USP30: variants seen among roughly 807,000 people sequenced by gnomAD.
The protein encoded by USP30 is ubiquitin specific peptidase 30.
In USP30, 41 loss-of-function variants were observed where a neutral mutation model predicts 68.2. The observed-to-expected ratio is 0.60, with a 90% confidence interval of 0.47 to 0.78. USP30 has a LOEUF of 0.78. Ranked by LOEUF, USP30 falls within the 30% of genes least tolerant of loss-of-function variation. The pLI is 0.00. For missense variants in USP30, 522 were observed against 649.4 expected, an observed-to-expected ratio of 0.80 and a Z score of 2.13; for synonymous variants, 229 against 253.7, an observed-to-expected ratio of 0.90 and a Z score of 0.93.
At chr12:109,048,739 C>CAAAAAAAAAAAA (rs60197959), upstream of USP30, among the ~76,000 whole-genome samples, 2 of 86,984 alleles carry the variant, frequency 2.3e-5, no homozygotes, top group East Asian at 3.5e-4. Flanking sequence ...GACTCTGTCT[C>CAAAAAAAAAAAA]AAAAAAAAAA....
intron 1 of USP30, among the ~76,000 whole-genome samples, chr12:109,056,025 A>T (rs1304811742): frequency 6.6e-6 from 1 of 152,142 alleles, no homozygotes; most frequent in African/African-American, 2.4e-5. Flanking sequence ...CATTCTGAGC[A>T]GAGGGAACAG....
At position 109,079,351 on chromosome 12, in the gene USP30, C is replaced by CTTTTTTTTT. The variant is rs71079521; in HGVS notation, c.721-1963_721-1955dup. ...TTCTTTTCTTTTTCTTTTTTTTTTT[C>CTTTTTTTTT]TTTTTTTTTTTTTTTTTTTTTTTTT... On this transcript the variant is annotated intron_variant, in intron 7 of 12. Transcript: ENST00000257548. Among the ~76,000 whole-genome samples the CTTTTTTTTT allele has an allele frequency of 2.6e-3, 126 of 48,792 alleles. 7 individuals are homozygous for CTTTTTTTTT. The highest frequency in any genetic ancestry group is 6.5e-3 in the African/African-American group (77 of 11,828). 32.0% of individuals were successfully genotyped at this position (48,792 alleles called of 152,430 possible). A position where few individuals can be genotyped will look rare whatever the true frequency, so the allele number is the denominator to read the frequency against.
intron 1 of USP30, among the ~76,000 whole-genome samples, chr12:109,056,377 G>A (rs866865170): frequency 1.3e-5 from 2 of 152,238 alleles, no homozygotes; most frequent in East Asian, 3.9e-4. Flanking sequence ...GTTTTTAGTA[G>A]AGACAGGGTT....
At chr12:109,068,698 C>G (rs568982992) in intron 4 of USP30, among the ~76,000 whole-genome samples, 2 of 152,304 alleles carry the variant, frequency 1.3e-5, no homozygotes, top group South Asian at 4.1e-4. Context: ...TAAGGTCCGA[C>G]TTCTCCATCA....
At chr12:109,057,792 C>A (rs1593245568) in intron 2 of USP30, 134 bp from the exon 3 acceptor site, 1 of 993,098 alleles carries the variant, frequency 1.0e-6, no homozygotes, top group Non-Finnish European at 1.5e-6. Flanking sequence ...GGCCCCAGAT[C>A]TCTGTGGATA....
At chr12:109,028,217 G>A (rs981861809) in intron 3 of USP30, among the ~76,000 whole-genome samples, 16 of 152,270 alleles carry the variant, frequency 1.1e-4, no homozygotes, top group African/African-American at 2.9e-4. Flanking sequence ...TGAATTGTTC[G>A]GGGATTTTTG....
Position 109,073,404 on chromosome 12 carries a change from A to G in USP30, c.626-34A>G, listed in dbSNP as rs1358735531. The stretch of plus-strand genomic sequence containing the variant: ...TGTTGAGCTTGGTGCCAAAGGGCTA[A>G]AAGTGACATATCAAAAAACTTTTTG... On this transcript the variant is annotated intron_variant, in intron 6 of 12. Transcript: ENST00000257548. 2.0e-6 allele frequency: 3 copies of G among 1,501,448 alleles called. No homozygotes were observed. In the African/African-American group the frequency reaches 4.1e-5, roughly 21 times the overall value. The allele number at this position is 1,501,448 out of a possible 1,614,324, so 93.0% of individuals were successfully genotyped here. A position where few individuals can be genotyped will look rare whatever the true frequency, so the allele number is the denominator to read the frequency against.
intron 11 of USP30, 109 bp downstream of exon 11, chr12:109,083,171 A>G (rs1391236267): frequency 3.6e-6 from 4 of 1,122,360 alleles, no homozygotes; most frequent in Non-Finnish European, 2.5e-6. Context: ...GGCTTGTACA[A>G]TGGTGCTTAA....
rs780966277 is a variant in USP30, at chr12:109,067,574, T to G, written c.427T>G (p.Leu143Val). The change falls in exon 4 of 13, where the codon TTG becomes GTG. Residue 143 changes from leucine to valine, a missense_variant. By Grantham distance (32) the Leu-to-Val change is conservative. Coordinates refer to ENST00000257548, the MANE Select transcript of USP30 (RefSeq NM_032663.5). ...TDDEVLDASC[L>V]LDVLRMYRWQ... Reference sequence around the variant, plus strand: ...TGATGAGGTCTTAGATGCAAGCTGCTTGTTGGATGTCTTAAGAATGTACAG... The same window carrying G: ...TGATGAGGTCTTAGATGCAAGCTGCGTGTTGGATGTCTTAAGAATGTACAG... 6.2e-7 allele frequency: 1 copy of G among 1,614,206 alleles called. No individual in the cohort carries two copies. The highest frequency in any genetic ancestry group is 8.5e-7 in the Non-Finnish European group (1 of 1,180,028).
intron 12 of USP30, among the ~76,000 whole-genome samples, chr12:109,085,306 T>C (rs1432166916): frequency 2.0e-5 from 3 of 152,132 alleles, no homozygotes; most frequent in African/African-American, 7.3e-5. Flanking sequence ...TGTATATATG[T>C]GTGTATGTAT....
intron 3 of USP30, among the ~76,000 whole-genome samples, chr12:109,043,345 T>C (rs1055857319): frequency 6.6e-6 from 1 of 152,122 alleles, no homozygotes; most frequent in Admixed American, 6.6e-5. Context: ...CATAACTTAC[T>C]ACAAAGCCAC....
rs745618557 is a variant in USP30 at position 109,085,741 on chromosome 12, C to G, written c.1364C>G (p.Thr455Ser). 1.9e-6 allele frequency: 3 copies of G among 1,614,130 alleles called. No homozygotes were observed. In the East Asian group the frequency reaches 6.7e-5, roughly 36 times the overall value. ...GACATGCACTCTGGACACTTTGTCA[C>G]TTACCGACGGTCCCCACCTTCTGCC... The part of the protein sequence containing the change: ...HGDMHSGHFV[T>S]YRRSPPSARN... The change falls in exon 13 of 13, where the codon ACT becomes AGT. Residue 455 changes from threonine (T) to serine (S), a missense_variant. Thr to Ser is a moderately conservative substitution (Grantham distance 58, BLOSUM62 1). Coordinates refer to ENST00000257548, the MANE Select transcript of USP30 (RefSeq NM_032663.5).
At chr12:109,053,841 C>T (rs944189438) in intron 1 of USP30, 3 of 295,520 alleles carry the variant, frequency 1.0e-5, no homozygotes, top group African/African-American at 6.7e-5. Flanking sequence ...GACAAGTCCT[C>T]TCTCCCATCC....
upstream of USP30, chr12:109,052,522 C>T (rs552752395): frequency 4.3e-5 from 25 of 580,788 alleles, no homozygotes; most frequent in Non-Finnish European, 6.6e-5. Context: ...GCAGCTACTT[C>T]CGGTCCCCCT....
chr12:109,072,007 G>A (rs1026007562), intron 5 of USP30, among the ~76,000 whole-genome samples: 3 of 152,198 alleles, frequency 2.0e-5, no homozygotes, highest in East Asian at 3.8e-4. Flanking sequence ...AATGCTAAGT[G>A]AGCCCTCATT....
chr12:109,086,228 C>T lies in USP30; in HGVS notation c.*297C>T, dbSNP rs1454743509. 1.4e-5 allele frequency: 4 copies of T among 294,612 alleles called. No homozygotes were observed. The Admixed American group carries it at 1.8e-4, about 14-fold the overall frequency. The allele number at this position is 294,612 out of a possible 1,614,324, so 18.2% of individuals were successfully genotyped here. Reference sequence around the variant, plus strand: ...AAAAGAACTCAGATTCTTGAAGCCACCGTTTTCATATTGTAATGTTAGGTG... The same window carrying T: ...AAAAGAACTCAGATTCTTGAAGCCATCGTTTTCATATTGTAATGTTAGGTG... On this transcript the variant is annotated 3_prime_UTR_variant, in exon 13 of 13. Coordinates refer to ENST00000257548, the MANE Select transcript of USP30 (RefSeq NM_032663.5).
intron 3 of USP30, among the ~76,000 whole-genome samples, chr12:109,028,060 A>T (rs571575382): frequency 6.6e-6 from 1 of 152,332 alleles, no homozygotes; most frequent in East Asian, 1.9e-4. Context: ...ACACTTGTTG[A>T]TAATAGCCAT....
At chr12:109,047,014 C>T (rs572863239) in intron 3 of USP30, among the ~76,000 whole-genome samples, 55 of 152,068 alleles carry the variant, frequency 3.6e-4, no homozygotes, top group Non-Finnish European at 6.8e-4. Context: ...AAGTTTTGAT[C>T]CAGACCTCAA....
At chr12:109,077,626 G>C (rs908784108) in intron 7 of USP30, among the ~76,000 whole-genome samples, 1 of 152,200 alleles carries the variant, frequency 6.6e-6, no homozygotes, top group Non-Finnish European at 1.5e-5. Flanking sequence ...GGAATGCTTA[G>C]TCCATTTACA....
Sources: gnomAD v4.1 joint callset for allele counts (sites outside exome capture counted in the v4.1 genomes callset) on GRCh38, gnomAD v4.1.1 for gene constraint, MANE v1.5 for transcripts, NCBI Gene and HGNC (gene_info 2026-07-23, HGNC 2026-07-21) for gene names.